The following DNAAF11 variants were observed in gnomAD, a reference collection of about 807,000 sequenced individuals.
The protein encoded by DNAAF11 is leucine rich repeat containing 6.
Under a neutral mutation model 60.8 loss-of-function variants are expected in DNAAF11, and 45 were observed. The ratio of observed to expected loss-of-function variants is 0.74; its 90% CI spans 0.58 to 0.95. The LOEUF (loss-of-function observed/expected upper bound fraction) is 0.95. Ranked by LOEUF, DNAAF11 falls within the 40% of genes least tolerant of loss-of-function variation. The probability of loss-of-function intolerance (pLI) is 0.00; values close to 1 mark genes in which losing one functional copy is unlikely to be tolerated. For missense variants in DNAAF11, 546 were observed against 546.2 expected (o/e 1.00, Z 0.00); for synonymous variants, 191 against 183.5 (o/e 1.04, Z -0.33).
chr8:132,601,182 T>C (rs1037066421), intron 10 of DNAAF11, among the ~76,000 whole-genome samples: 5 of 152,212 alleles, frequency 3.3e-5, no homozygotes, highest in African/African-American at 1.2e-4. Context: ...ATGCTCATCA[T>C]CACTGGCCAT....
chr8:132,643,087 C>T (rs1295941897), intron 3 of DNAAF11, among the ~76,000 whole-genome samples: 1 of 152,162 alleles, frequency 6.6e-6, no homozygotes, highest in East Asian at 1.9e-4. Flanking sequence ...TCTAAAGCAG[C>T]AGCTGTTTGG....
chr8:132,675,564 C>T (rs767936917), upstream of DNAAF11: 15 of 1,461,998 alleles, frequency 1.0e-5, no homozygotes, highest in Non-Finnish European at 1.4e-5. Flanking sequence ...CCCTTCACCC[C>T]TGCTCCTCAG....
chr8:132,596,053 C>T (rs1816985423), intron 10 of DNAAF11, among the ~76,000 whole-genome samples: 1 of 152,090 alleles, frequency 6.6e-6, no homozygotes. Context: ...ACAAGGATGA[C>T]TATGGGAGGA....
chr8:132,610,455 A>G (rs1818552378), intron 9 of DNAAF11, among the ~76,000 whole-genome samples, 194 bp from the exon 10 acceptor site: 1 of 152,244 alleles, frequency 6.6e-6, no homozygotes, highest in Non-Finnish European at 1.5e-5. Context: ...AGTAGTCTAA[A>G]GAACAGTTAT....
intron 10 of DNAAF11, among the ~76,000 whole-genome samples, chr8:132,596,600 A>G (rs1817039540): frequency 6.6e-6 from 1 of 152,130 alleles, no homozygotes; most frequent in African/African-American, 2.4e-5. Context: ...CCTGAATTCA[A>G]CCCTTCTGTC....
the DNAAF11 span, among the ~76,000 whole-genome samples, chr8:132,683,079 T>C: frequency 6.6e-6 from 1 of 152,256 alleles, no homozygotes; most frequent in Non-Finnish European, 1.5e-5. Flanking sequence ...AAAAATCAAA[T>C]CCACATAATA....
At chr8:132,677,620 T>A (rs1157034426), upstream of DNAAF11, among the ~76,000 whole-genome samples, 3 of 151,920 alleles carry the variant, frequency 2.0e-5, no homozygotes, top group Non-Finnish European at 4.4e-5. Context: ...AATTAATATA[T>A]ATAGTCCCAG....
chr8:132,608,872 A>T (rs145997100), intron 10 of DNAAF11, among the ~76,000 whole-genome samples: 1 of 152,220 alleles, frequency 6.6e-6, no homozygotes, highest in Non-Finnish European at 1.5e-5. Context: ...ATTGCCTCCA[A>T]GTAAAAATAC....
intron 1 of DNAAF11, among the ~76,000 whole-genome samples, chr8:132,671,301 T>C (rs1825168194): frequency 6.6e-6 from 1 of 152,310 alleles, no homozygotes; most frequent in Non-Finnish European, 1.5e-5. Context: ...ATCAAAAATA[T>C]GAAGTACTTA....
At chr8:132,593,332 C>CATATATATATATATATATAT (rs60462067) in intron 10 of DNAAF11, among the ~76,000 whole-genome samples, 51 of 108,682 alleles carry the variant, frequency 4.7e-4, no homozygotes, top group East Asian at 1.2e-3. Context: ...TATATACATA[C>CATATATATATATATATATAT]ATATATATAT....
intron 7 of DNAAF11, among the ~76,000 whole-genome samples, chr8:132,618,745 G>C (rs1299875579): frequency 6.6e-6 from 1 of 151,944 alleles, no homozygotes; most frequent in African/African-American, 2.4e-5. Context: ...AAACCACAAT[G>C]AGATACCATC....
At chr8:132,602,241 T>C (rs72723191) in intron 10 of DNAAF11, among the ~76,000 whole-genome samples, 146 of 152,294 alleles carry the variant, frequency 9.6e-4, no homozygotes, top group Non-Finnish European at 1.4e-3. Context: ...AAACATTTCA[T>C]GCTTGACTAT....
At chr8:132,657,959 G>A (rs1823745700) in intron 2 of DNAAF11, among the ~76,000 whole-genome samples, 2 of 152,186 alleles carry the variant, frequency 1.3e-5, no homozygotes, top group South Asian at 4.1e-4. Flanking sequence ...TCCTTTCTAA[G>A]ATGACAGGAA....
At chr8:132,638,730 G>A (rs1821560612) in intron 3 of DNAAF11, among the ~76,000 whole-genome samples, 1 of 152,170 alleles carries the variant, frequency 6.6e-6, no homozygotes, top group Admixed American at 6.5e-5. Context: ...TAGAAAAAGG[G>A]TGAGTCACTG....
the DNAAF11 span, among the ~76,000 whole-genome samples, chr8:132,682,166 A>C: frequency 6.6e-6 from 1 of 152,304 alleles, no homozygotes; most frequent in East Asian, 1.9e-4. Flanking sequence ...AATAGAGTAC[A>C]AGGGAAGAAA....
intron 4 of DNAAF11, among the ~76,000 whole-genome samples, chr8:132,633,673 G>A (rs779379695): frequency 5.3e-5 from 8 of 152,130 alleles, no homozygotes; most frequent in Admixed American, 3.3e-4. Flanking sequence ...CTTTACAGGT[G>A]TGATTAGGTT....
chr8:132,686,296 A>G, the DNAAF11 span, among the ~76,000 whole-genome samples: 1 of 152,164 alleles, frequency 6.6e-6, no homozygotes, highest in African/African-American at 2.4e-5. Context: ...CTCAAAGAAC[A>G]GAAAAAGGAG....
chr8:132,631,681 T>A (rs1177762257), intron 5 of DNAAF11, among the ~76,000 whole-genome samples: 2 of 152,028 alleles, frequency 1.3e-5, no homozygotes, highest in Non-Finnish European at 2.9e-5. Flanking sequence ...GAAGGGGAAG[T>A]CTTTAAGGAG....
At chr8:132,698,305 G>A in the DNAAF11 span, among the ~76,000 whole-genome samples, 1 of 152,142 alleles carries the variant, frequency 6.6e-6, no homozygotes, top group Admixed American at 6.5e-5. Flanking sequence ...ATTTCAGAGA[G>A]GTTAGATGAT....
Sources: allele counts gnomAD v4.1 joint callset (sites outside exome capture counted in the v4.1 genomes callset), GRCh38; gene constraint gnomAD v4.1.1; transcripts MANE v1.5; gene names NCBI Gene and HGNC (gene_info 2026-07-23, HGNC 2026-07-21).